The following FREM3 variants were observed in gnomAD, a reference collection of about 807,000 sequenced individuals.
The protein encoded by FREM3 is FRAS1-related extracellular matrix protein 3.
FREM3 carries 105 observed loss-of-function variants against 129.1 expected under a neutral mutation model. That is an observed-to-expected ratio of 0.81 (90% CI 0.69 to 0.96). The LOEUF (loss-of-function observed/expected upper bound fraction) is 0.96, where lower values mean the gene tolerates loss of function less well. Ranked by LOEUF, FREM3 falls within the 40% of genes least tolerant of loss-of-function variation. The pLI is 0.00. For synonymous variants in FREM3, 1,014 were observed against 1,044.9 expected (o/e 0.97, Z 0.57); for missense variants, 2,593 against 2,666.3 (o/e 0.97, Z 0.61).
In FREM3 at chr4:143,700,279, T is replaced by A. The variant is rs1220836655; in HGVS notation, c.397A>T (p.Ser133Cys). ...AGCAGCACCCGGGCGCGTCCGGGGC[T>A]GTGGGAGCCGAAGTGAGTGTACTGG... Reference protein sequence around the residue: ...QVQYTHFGSHSPGRARVLLQL... With the variant: ...QVQYTHFGSHCPGRARVLLQL... The change falls in exon 1 of 8, where the codon AGC (serine) becomes TGC (cysteine). Residue 133 changes from serine to cysteine, a missense_variant. Around this residue, in one of 2 missense-constraint regions of FREM3, gnomAD observed 2,276 missense variants for 2,267.2 expected, o/e 1.00. Coordinates refer to ENST00000329798, the MANE Select transcript of FREM3 (RefSeq NM_001168235.2). The A allele has an allele frequency of 6.5e-7, 1 of 1,536,224 alleles. No homozygotes were observed. Among genetic ancestry groups the A allele is most frequent in the Non-Finnish European group, 8.7e-7 (1 of 1,146,684 alleles).
intron 5 of FREM3, among the ~76,000 whole-genome samples, chr4:143,620,437 T>C (rs1251235498): frequency 3.3e-5 from 5 of 152,208 alleles, no homozygotes; most frequent in Non-Finnish European, 7.3e-5. Context: ...GTTTTCTGCA[T>C]AGTTGCTAAT....
rs1471774186 is a variant in FREM3, at chr4:143,696,981, AG to A, written c.3694del (p.Leu1232SerfsTer53). ...DLPPNELHFQLTALPRHGRII... is the reference protein window; with the variant it reads ...DLPPNELHFQXTALPRHGRII... ...TCGTCCATGCCGAGGGAGGGCTGTG[AG>A]TTGAAAGTGGAGCTCATTTGGTGGC... On this transcript the variant is annotated frameshift_variant, in exon 1 of 8. Coordinates refer to ENST00000329798, the MANE Select transcript of FREM3 (RefSeq NM_001168235.2). LOFTEE classifies it high-confidence loss of function. The A allele has an allele frequency of 9.1e-6, 14 of 1,537,552 alleles. No individual in the cohort carries two copies. The highest frequency in any genetic ancestry group is 5.5e-5 in the African/African-American group (4 of 72,988).
intron 5 of FREM3, among the ~76,000 whole-genome samples, chr4:143,616,320 T>A (rs1191356854): frequency 1.3e-5 from 2 of 152,154 alleles, no homozygotes. Context: ...ACCATATGAT[T>A]TGTACTTCAG....
At chr4:143,679,240 A>G (rs917798761) in intron 2 of FREM3, among the ~76,000 whole-genome samples, 33 of 152,194 alleles carry the variant, frequency 2.2e-4, no homozygotes, top group African/African-American at 7.7e-4. Context: ...AGGTACAATT[A>G]CCAATGCTAA....
Position 143,695,749 on chromosome 4 carries a change from GT to G in FREM3, c.4926del (p.His1643ThrfsTer5). 6.5e-7 allele frequency: 1 copy of G among 1,537,296 alleles called. No homozygotes were observed. The highest frequency in any genetic ancestry group is 8.7e-7 in the Non-Finnish European group (1 of 1,146,928). On this transcript the variant is annotated frameshift_variant, in exon 1 of 8. Transcript: ENST00000329798. LOFTEE classifies it high-confidence loss of function. Reference sequence around the variant, plus strand: ...TGGACCCTCATTACTTGAGGTTTGTGTGTCGCCAGGGCAGTGTCTGGTAGGA... The same window carrying G: ...TGGACCCTCATTACTTGAGGTTTGTGGTCGCCAGGGCAGTGTCTGGTAGGA... ...FYVLPDTALA[T>X]HKPQVMRVQI...
intron 6 of FREM3, among the ~76,000 whole-genome samples, chr4:143,589,479 A>T (rs969296086): frequency 1.4e-3 from 214 of 152,076 alleles, no homozygotes; most frequent in Non-Finnish European, 1.2e-3. Flanking sequence ...TTTTCCCAGC[A>T]CCATTTATTA....
chr4:143,675,540 C>G (rs1042688403), intron 2 of FREM3, among the ~76,000 whole-genome samples: 7 of 152,066 alleles, frequency 4.6e-5, no homozygotes, highest in African/African-American at 1.4e-4. Context: ...TAACTAAGAT[C>G]AGAGCAGAAC....
chr4:143,669,252 C>T (rs1040848361), intron 2 of FREM3, among the ~76,000 whole-genome samples: 1 of 152,162 alleles, frequency 6.6e-6, no homozygotes, highest in Non-Finnish European at 1.5e-5. Context: ...TGAATTCTCT[C>T]ACACAGATCA....
At chr4:143,642,636 C>G (rs1027489331) in intron 2 of FREM3, among the ~76,000 whole-genome samples, 2 of 152,136 alleles carry the variant, frequency 1.3e-5, no homozygotes, top group African/African-American at 4.8e-5. Context: ...AAAATCAACT[C>G]AAAATGGATT....
At chr4:143,658,904 A>C (rs1032637756) in intron 2 of FREM3, among the ~76,000 whole-genome samples, 2 of 152,046 alleles carry the variant, frequency 1.3e-5, no homozygotes, top group Non-Finnish European at 2.9e-5. Flanking sequence ...AGTTACGGTG[A>C]ATTCAAGCAG....
In FREM3 at chr4:143,699,806, G is replaced by A; in HGVS notation, c.870C>T (p.Phe290=). 6.5e-7 allele frequency: 1 copy of A among 1,536,476 alleles called. No individual in the cohort carries two copies. Residue 290 remains phenylalanine (F), a synonymous_variant, in exon 1 of 8, where the codon TTC becomes TTT. Coordinates refer to ENST00000329798, the MANE Select transcript of FREM3 (RefSeq NM_001168235.2). This position sits in a 1 kb window ranked among gnomAD's most constrained non-coding sequence, Gnocchi z 4.2. ...CGCCGCGGATCCTCACGAGCAGCTG[G>A]AAGTGCTCGCGGACCAGCACACCCG... ...GSAGVLVREH[F]QLLVRIRGGA...
At chr4:143,627,544 G>C (rs1318411205) in intron 3 of FREM3, 70 bp downstream of exon 3, 1 of 1,219,790 alleles carries the variant, frequency 8.2e-7, no homozygotes, top group East Asian at 2.5e-5. Context: ...ATACTTTCTT[G>C]TAATTATTTT....
rs1738968889 is a variant in FREM3, at chr4:143,622,483, G to T, written c.5654-1321C>A. On this transcript the variant is annotated intron_variant, in intron 4 of 7. Transcript: ENST00000329798. The stretch of plus-strand genomic sequence containing the variant: ...TTCAATGTTAAATTATCTAGCTATT[G>T]TATATTAATTTTTTTCTTCTTTACT... 5.1e-5 allele frequency among the ~76,000 whole-genome samples: 7 copies of T among 137,632 alleles called. No individual in the cohort carries two copies. The South Asian group carries it at 1.4e-3, about 27-fold the overall frequency. The allele number at this position is 137,632 out of a possible 152,430, so 90.3% of individuals were successfully genotyped here.
chr4:143,691,956 G>A (rs1459999217), intron 2 of FREM3, among the ~76,000 whole-genome samples: 1 of 152,114 alleles, frequency 6.6e-6, no homozygotes, highest in Non-Finnish European at 1.5e-5. Flanking sequence ...TGGTTCTTGA[G>A]AACTTGGGAA....
intron 5 of FREM3, 127 bp downstream of exon 5, chr4:143,620,910 C>A: frequency 1.1e-6 from 1 of 911,758 alleles, no homozygotes; most frequent in Non-Finnish European, 1.6e-6. Flanking sequence ...AGGGCATGGA[C>A]AATGAGGGGC....
At chr4:143,687,402 G>C (rs1740389264) in intron 2 of FREM3, among the ~76,000 whole-genome samples, 1 of 152,098 alleles carries the variant, frequency 6.6e-6, no homozygotes, top group Non-Finnish European at 1.5e-5. Flanking sequence ...TCCAGGACCA[G>C]ATGGATTCAC....
chr4:143,699,936 C>T lies in FREM3; in HGVS notation c.740G>A (p.Arg247His), dbSNP rs1740661686. 2 of 1,532,974 alleles carry T rather than the reference C, an allele frequency of 1.3e-6. No individual in the cohort carries two copies. The highest frequency in any genetic ancestry group is 2.0e-5 in the Admixed American group (1 of 50,684). 95.0% of individuals were successfully genotyped at this position (1,532,974 alleles called of 1,614,324 possible). Residue 247 changes from arginine (R) to histidine (H), a missense_variant, in exon 1 of 8, where the codon CGT (arginine) becomes CAT (histidine). Physicochemically the swap from Arg to His is conservative, Grantham distance 29. Coordinates refer to ENST00000329798, the MANE Select transcript of FREM3 (RefSeq NM_001168235.2). This position sits in a 1 kb window ranked among gnomAD's most constrained non-coding sequence, Gnocchi z 4.2. The stretch of plus-strand genomic sequence containing the variant: ...TGTGTGCTGATAGCGCACCCCAGCA[C>T]GGAGGAAAGCCTCACAGTCTACGCC... ...GKGVDCEAFL[R>H]AGVRYQHTAT... is the part of the protein sequence containing the mutation.
At chr4:143,664,894 G>C (rs4543069) in intron 2 of FREM3, among the ~76,000 whole-genome samples, 1 of 151,072 alleles carries the variant, frequency 6.6e-6, no homozygotes, top group African/African-American at 2.4e-5. Flanking sequence ...CTCCAAGTCA[G>C]GTGCGGGATA....
In FREM3 at chr4:143,699,632, G is replaced by A. The variant is rs775374923; in HGVS notation, c.1044C>T (p.Asn348=). 30 of 1,529,824 alleles carry A rather than the reference G, an allele frequency of 2.0e-5. 1 individual carries two copies. The South Asian group carries it at 3.0e-4, about 15-fold the overall frequency. The allele number at this position is 1,529,824 out of a possible 1,614,324, so 94.8% of individuals were successfully genotyped here. The change falls in exon 1 of 8, where the codon AAC becomes AAT. Residue 348 remains asparagine, a synonymous_variant. Coordinates refer to ENST00000329798, the MANE Select transcript of FREM3 (RefSeq NM_001168235.2). This position sits in a 1 kb window ranked among gnomAD's most constrained non-coding sequence, Gnocchi z 4.2. ...DPGDLVFNIL[N]APTHPPGHPG... is the part of the protein sequence containing the mutation. ...GGTGCCCTGGTGGGTGAGTGGGGGC[G>A]TTCAGAATGTTGAACACCAGGTCAC...
Sources: gnomAD v4.1 joint callset for allele counts (sites outside exome capture counted in the v4.1 genomes callset) on GRCh38, gnomAD v4.1.1 for gene constraint, gnomAD v4.1.1 regional missense constraint, Gnocchi (gnomAD v3.1) non-coding constraint, MANE v1.5 for transcripts, NCBI Gene and HGNC (gene_info 2026-07-23, HGNC 2026-07-21) for gene names.